The following ITPR1 variants were observed in gnomAD, a reference collection of about 807,000 sequenced individuals.
The protein encoded by ITPR1 is inositol 1,4,5-trisphosphate receptor type 1, also known as inositol 1,4,5-trisphosphate-gated calcium channel ITPR1.
ITPR1 carries 96 observed loss-of-function variants against 318.4 expected under a neutral mutation model. That is an observed-to-expected ratio of 0.30 (90% confidence interval 0.26 to 0.36). The LOEUF (loss-of-function observed/expected upper bound fraction) is 0.36. Ranked by LOEUF, ITPR1 falls within the 10% of genes least tolerant of loss-of-function variation. ITPR1 has a pLI of 1.00. For synonymous variants in ITPR1, 1,312 were observed against 1,289.9 expected (o/e 1.02, Z -0.37); for missense variants, 2,440 against 3,460.2 (o/e 0.71, Z 7.40).
At chr3:4,518,318 CTT>C (rs1348381262) in intron 3 of ITPR1, among the ~76,000 whole-genome samples, 1 of 152,192 alleles carries the variant, frequency 6.6e-6, no homozygotes, top group Non-Finnish European at 1.5e-5. Context: ...CAGGGCATCT[CTT>C]CTTTAAAATC....
intron 57 of ITPR1, 45 bp downstream of exon 57, chr3:4,813,279 C>T: frequency 7.4e-7 from 1 of 1,353,372 alleles, no homozygotes; most frequent in Admixed American, 1.9e-5. Context: ...TCGGACTCCT[C>T]CAGAGGCTTA....
chr3:4,627,673 AT>A (rs1375078343), intron 4 of ITPR1, 89 bp from the exon 5 acceptor site: 3 of 770,856 alleles, frequency 3.9e-6, no homozygotes, highest in Non-Finnish European at 6.9e-6. Flanking sequence ...ATTTTATGTA[AT>A]TTTTTAAGTG....
intron 6 of ITPR1, 140 bp downstream of exon 6, chr3:4,639,610 T>C: frequency 3.0e-6 from 2 of 663,342 alleles, no homozygotes; most frequent in Non-Finnish European, 5.3e-6. Flanking sequence ...AAAAGTCTAG[T>C]GTTTCTTGTT....
chr3:4,511,955 A>G (rs998767943), intron 2 of ITPR1, among the ~76,000 whole-genome samples: 2 of 152,144 alleles, frequency 1.3e-5, no homozygotes, highest in African/African-American at 4.8e-5. Context: ...GGAGGCGGCT[A>G]TCCTTTGTGG....
intron 4 of ITPR1, among the ~76,000 whole-genome samples, chr3:4,531,522 C>T (rs1222225583): frequency 6.6e-6 from 1 of 152,012 alleles, no homozygotes; most frequent in African/African-American, 2.4e-5. Flanking sequence ...ATAGTGGTTC[C>T]CCAGTTGTGC....
chr3:4,593,155 G>A (rs186709747), intron 4 of ITPR1, among the ~76,000 whole-genome samples: 40 of 152,320 alleles, frequency 2.6e-4, no homozygotes, highest in Non-Finnish European at 5.1e-4. Context: ...GCGGTGTGGG[G>A]TTGAAGGAGA....
rs2080301145 is a variant in ITPR1, at chr3:4,493,530, A to G, written c.-168A>G. 6.5e-6 allele frequency: 1 copy of G among 153,270 alleles called. No individual in the cohort carries two copies. Among genetic ancestry groups the G allele is most frequent in the Admixed American group, 6.5e-5 (1 of 15,274 alleles). The allele number at this position is 153,270 out of a possible 1,614,324, so 9.5% of individuals were successfully genotyped here. On this transcript the variant is annotated 5_prime_UTR_variant, in exon 1 of 62. It removes an upstream start codon present in the reference 5' UTR. Transcript: ENST00000649015. ...CGGAACGAGCTCCCTCTTCGCGGACATGGGATTACCCAGCGGCTGCTAACC... is the reference window on the plus strand; with the variant it reads ...CGGAACGAGCTCCCTCTTCGCGGACGTGGGATTACCCAGCGGCTGCTAACC...
At chr3:4,693,379 T>C in intron 32 of ITPR1, 111 bp from the exon 33 acceptor site, 4 of 1,195,402 alleles carry the variant, frequency 3.3e-6, no homozygotes, top group Non-Finnish European at 4.8e-6. Flanking sequence ...TAAGACTGAT[T>C]TGGGAAGATA....
rs1006190241 is a variant in ITPR1 at position 4,826,843 on chromosome 3, T to C, written c.8028+8601T>C. Among the ~76,000 whole-genome samples the C allele has an allele frequency of 6.6e-6, 1 of 152,190 alleles. No individual in the cohort carries two copies. The highest frequency in any genetic ancestry group is 1.5e-5 in the Non-Finnish European group (1 of 68,028). Reference sequence around the variant, plus strand: ...TGGAGGGTGTGCCAGGTGCCGTTTGTAACAATGAGTTGAGCAGAGCCATGA... The same window carrying C: ...TGGAGGGTGTGCCAGGTGCCGTTTGCAACAATGAGTTGAGCAGAGCCATGA... On this transcript the variant is annotated intron_variant, in intron 60 of 61. Transcript: ENST00000649015. The surrounding 1 kb of genome is among the most constrained non-coding windows in gnomAD (Gnocchi z 4.2).
At chr3:4,591,471 A>ATGATCAGTGATATTG (rs2090394805) in intron 4 of ITPR1, among the ~76,000 whole-genome samples, 1 of 152,314 alleles carries the variant, frequency 6.6e-6, no homozygotes, top group Admixed American at 6.5e-5. Context: ...CATTTCTCTA[A>ATGATCAGTGATATTG]TGATCAGTGA....
intron 10 of ITPR1, among the ~76,000 whole-genome samples, chr3:4,651,281 A>G (rs1055852060): frequency 6.6e-6 from 1 of 152,174 alleles, no homozygotes; most frequent in Non-Finnish European, 1.5e-5. Flanking sequence ...TCCTGTGCAG[A>G]CTTCCAGAGC....
chr3:4,551,689 G>T (rs149267945), intron 4 of ITPR1, among the ~76,000 whole-genome samples: 1 of 152,160 alleles, frequency 6.6e-6, no homozygotes, highest in Non-Finnish European at 1.5e-5. Context: ...ATTGTAGTGG[G>T]CTAGATACAG....
chr3:4,524,301 GTTT>G (rs56380229), intron 4 of ITPR1, among the ~76,000 whole-genome samples: 22 of 73,494 alleles, frequency 3.0e-4, no homozygotes, highest in Admixed American at 1.4e-3. Context: ...ATACTTTGAC[GTTT>G]TTTTTTTTTT....
intron 4 of ITPR1, among the ~76,000 whole-genome samples, chr3:4,571,966 T>G (rs946493915): frequency 6.6e-6 from 1 of 152,204 alleles, no homozygotes; most frequent in African/African-American, 2.4e-5. Flanking sequence ...TACTATGAAT[T>G]TAGGGATATG....
chr3:4,725,443 C>G, intron 40 of ITPR1, 103 bp from the exon 41 acceptor site: 2 of 961,928 alleles, frequency 2.1e-6, no homozygotes, highest in Non-Finnish European at 3.3e-6. Context: ...CATCTCTGAT[C>G]CTTCCTCCTG....
intron 4 of ITPR1, among the ~76,000 whole-genome samples, chr3:4,567,613 G>T (rs80315621): frequency 0.22 from 27,963 of 127,572 alleles, 2,647 homozygotes; most frequent in East Asian, 0.4. Context: ...GTTTTTTTTG[G>T]TTTCTTTTTT....
chr3:4,757,544 G>A (rs937466271), intron 44 of ITPR1, among the ~76,000 whole-genome samples: 3 of 152,192 alleles, frequency 2.0e-5, no homozygotes, highest in Non-Finnish European at 2.9e-5. Flanking sequence ...GGGGAGAGGT[G>A]TTTAACAGAG....
intron 60 of ITPR1, among the ~76,000 whole-genome samples, chr3:4,832,318 A>T (rs2050576426): frequency 6.6e-6 from 1 of 152,202 alleles, no homozygotes; most frequent in South Asian, 2.1e-4. Flanking sequence ...ATGGAGAATG[A>T]GGCTTTATCC....
intron 29 of ITPR1, among the ~76,000 whole-genome samples, chr3:4,684,572 T>C (rs2094357443): frequency 1.3e-5 from 2 of 152,230 alleles, no homozygotes; most frequent in South Asian, 4.1e-4. Flanking sequence ...TCCTCACCTT[T>C]TGTAGGTGCA....
Sources: allele counts gnomAD v4.1 joint callset (sites outside exome capture counted in the v4.1 genomes callset), GRCh38; gene constraint gnomAD v4.1.1; non-coding constraint Gnocchi (gnomAD v3.1); transcripts MANE v1.5; gene names NCBI Gene and HGNC (gene_info 2026-07-23, HGNC 2026-07-21).